Variants in PIAS1 observed in about 807,000 individuals in gnomAD.
The protein encoded by PIAS1 is E3 SUMO-protein ligase PIAS1.
Under a neutral mutation model 71.3 loss-of-function variants are expected in PIAS1, and 6 were observed. That is an observed-to-expected ratio of 0.08 (90% confidence interval 0.05 to 0.17). The LOEUF (loss-of-function observed/expected upper bound fraction) is 0.17. PIAS1 is among the 10% of genes least tolerant of loss of function. PIAS1 has a pLI of 1.00. For synonymous variants in PIAS1, 303 were observed against 292.9 expected (o/e 1.03, Z -0.35); for missense variants, 555 against 793.6 (o/e 0.70, Z 3.61).
At chr15:68,080,492 G>A (rs2092219121) in intron 1 of PIAS1, among the ~76,000 whole-genome samples, 3 of 152,192 alleles carry the variant, frequency 2.0e-5, no homozygotes, top group Admixed American at 1.3e-4. Context: ...TTATGGAGAA[G>A]TATGTAACCA....
intron 2 of PIAS1, among the ~76,000 whole-genome samples, chr15:68,110,769 A>C (rs1432578007): frequency 6.6e-6 from 1 of 152,134 alleles, no homozygotes; most frequent in Non-Finnish European, 1.5e-5. Context: ...ATTCTCAATA[A>C]ATTCTATGTA....
chr15:68,115,831 G>A (rs532371646), intron 2 of PIAS1, among the ~76,000 whole-genome samples: 1 of 152,190 alleles, frequency 6.6e-6, no homozygotes, highest in African/African-American at 2.4e-5. Context: ...TTAATATGGT[G>A]ACTTGATTTT....
Position 68,171,906 on chromosome 15 carries a change from A to G in PIAS1, c.1009-1826A>G, listed in dbSNP as rs771534953. ...AAGCCTTTATATTTTTCTTTCATAT[A>G]TATTTTTTTCTTTTATATGTTTTAT... On this transcript the variant is annotated intron_variant, in intron 8 of 13. Transcript: ENST00000249636. This position sits in a 1 kb window ranked among gnomAD's most constrained non-coding sequence, Gnocchi z 4.4. Among the ~76,000 whole-genome samples, 8 of 151,206 alleles carry G rather than the reference A, an allele frequency of 5.3e-5. No homozygotes were observed. Among genetic ancestry groups the G allele is most frequent in the Non-Finnish European group, 1.0e-4 (7 of 67,852 alleles).
In PIAS1 at chr15:68,054,898, T is replaced by A. The variant is rs1159542638; in HGVS notation, c.24+548T>A. 6.6e-6 allele frequency: 1 copy of A among 152,336 alleles called. No individual in the cohort carries two copies. Among genetic ancestry groups the A allele is most frequent in the Non-Finnish European group, 1.5e-5 (1 of 68,088 alleles). 9.4% of individuals were successfully genotyped at this position (152,336 alleles called of 1,614,324 possible). ...ACTCGGCTTTCCCCGGCTGCTCGCTTGTCAGGAAGCGCCTGGGGTGCCCCG... is the reference window on the plus strand; with the variant it reads ...ACTCGGCTTTCCCCGGCTGCTCGCTAGTCAGGAAGCGCCTGGGGTGCCCCG... On this transcript the variant is annotated intron_variant, in intron 1 of 13. Transcript: ENST00000249636. The surrounding 1 kb of genome is among the most constrained non-coding windows in gnomAD (Gnocchi z 4.6).
At chr15:68,155,483 TC>T (rs2092882875) in intron 7 of PIAS1, among the ~76,000 whole-genome samples, 1 of 124,892 alleles carries the variant, frequency 8.0e-6, no homozygotes, top group Non-Finnish European at 1.8e-5. Flanking sequence ...CCAAAAACTT[TC>T]CCAACAAATT....
chr15:68,149,399 C>G (rs780173346), intron 6 of PIAS1, among the ~76,000 whole-genome samples: 1 of 149,452 alleles, frequency 6.7e-6, no homozygotes, highest in Non-Finnish European at 1.5e-5. Context: ...TTCTTTTCCT[C>G]GCTCCTGTAC....
intron 1 of PIAS1, chr15:68,055,121 G>C (rs1002260200): frequency 3.6e-5 from 26 of 722,942 alleles, no homozygotes; most frequent in South Asian, 6.2e-5. Flanking sequence ...TGTTGGGAGG[G>C]GGGGATGCAG....
intron 13 of PIAS1, chr15:68,183,887 A>T (rs2093071197): frequency 5.2e-6 from 2 of 386,922 alleles, no homozygotes; most frequent in South Asian, 3.7e-5. Context: ...CTATGCTGTC[A>T]GTCATGTAAA....
chr15:68,131,468 A>G lies in PIAS1; in HGVS notation c.470-10478A>G, dbSNP rs186168840. ...CTAGCTATGTTCACTGTGTTGTGCAATAAGATCTTATTAAAAAAAAAACTT... is the reference window on the plus strand; with the variant it reads ...CTAGCTATGTTCACTGTGTTGTGCAGTAAGATCTTATTAAAAAAAAAACTT... On this transcript the variant is annotated intron_variant, in intron 2 of 13. Transcript: ENST00000249636. 4.0e-4 allele frequency among the ~76,000 whole-genome samples: 30 copies of G among 74,436 alleles called. No homozygotes were observed. In the East Asian group the frequency reaches 8.0e-3, roughly 20 times the overall value. The allele number at this position is 74,436 out of a possible 152,430, so 48.8% of individuals were successfully genotyped here. A position where few individuals can be genotyped will look rare whatever the true frequency, so the allele number is the denominator to read the frequency against.
chr15:68,111,643 T>C (rs1364610384), intron 2 of PIAS1, among the ~76,000 whole-genome samples: 1 of 152,168 alleles, frequency 6.6e-6, no homozygotes, highest in Non-Finnish European at 1.5e-5. Context: ...AAGTACAGGT[T>C]GCGTTGAAAT....
chr15:68,175,095 T>C (rs2093013378), intron 9 of PIAS1, among the ~76,000 whole-genome samples: 1 of 152,210 alleles, frequency 6.6e-6, no homozygotes, highest in Admixed American at 6.5e-5. Flanking sequence ...ATTGTGATTG[T>C]ACACTGTTAA....
chr15:68,088,810 A>G (rs1003346060), intron 2 of PIAS1, among the ~76,000 whole-genome samples: 1 of 152,190 alleles, frequency 6.6e-6, no homozygotes, highest in African/African-American at 2.4e-5. Flanking sequence ...TCTGTACTTC[A>G]TTAAATGAAG....
intron 1 of PIAS1, among the ~76,000 whole-genome samples, chr15:68,084,798 T>A (rs1343267200): frequency 6.6e-6 from 1 of 152,180 alleles, no homozygotes; most frequent in Non-Finnish European, 1.5e-5. Context: ...TAGAATCACT[T>A]GTGTAAACAG....
chr15:68,090,215 T>A (rs926902474), intron 2 of PIAS1, among the ~76,000 whole-genome samples: 8 of 151,850 alleles, frequency 5.3e-5, no homozygotes, highest in African/African-American at 1.9e-4. Context: ...ATTATTATTA[T>A]TTTTTGAGAC....
chr15:68,054,913 G>A lies in PIAS1; in HGVS notation c.24+563G>A, dbSNP rs2091879431. 1 of 152,292 alleles carries A rather than the reference G, an allele frequency of 6.6e-6. No individual in the cohort carries two copies. Among genetic ancestry groups the A allele is most frequent in the Non-Finnish European group, 1.5e-5 (1 of 68,086 alleles). The allele number at this position is 152,292 out of a possible 1,614,324, so 9.4% of individuals were successfully genotyped here. ...GCTGCTCGCTTGTCAGGAAGCGCCT[G>A]GGGTGCCCCGCTTGTGGGAAGCGCG... On this transcript the variant is annotated intron_variant, in intron 1 of 13. Transcript: ENST00000249636. This position sits in a 1 kb window ranked among gnomAD's most constrained non-coding sequence, Gnocchi z 4.6.
At chr15:68,139,832 C>T (rs2092758337) in intron 2 of PIAS1, among the ~76,000 whole-genome samples, 1 of 152,004 alleles carries the variant, frequency 6.6e-6, no homozygotes, top group South Asian at 2.1e-4. Flanking sequence ...AATGTATACC[C>T]CCAACATTGG....
intron 2 of PIAS1, among the ~76,000 whole-genome samples, chr15:68,087,105 TTGA>T (rs980280659): frequency 2.0e-5 from 3 of 152,276 alleles, no homozygotes; most frequent in East Asian, 3.9e-4. Context: ...TTTTCAGGGG[TTGA>T]TGATCTCTAA....
chr15:68,164,844 A>G, intron 8 of PIAS1, 40 bp downstream of exon 8: 1 of 1,067,188 alleles, frequency 9.4e-7, no homozygotes, highest in South Asian at 1.5e-5. Context: ...AAAGTTTAAC[A>G]TACATTTTCT....
At chr15:68,175,825 A>T (rs2093017279) in intron 10 of PIAS1, 58 bp downstream of exon 10, 2 of 1,213,480 alleles carry the variant, frequency 1.6e-6, no homozygotes, top group African/African-American at 3.1e-5. Context: ...TCTGGTTTTC[A>T]ATATTAAAAT....
Sources: allele counts gnomAD v4.1 joint callset (sites outside exome capture counted in the v4.1 genomes callset), GRCh38; gene constraint gnomAD v4.1.1; non-coding constraint Gnocchi (gnomAD v3.1); transcripts MANE v1.5; gene names NCBI Gene and HGNC (gene_info 2026-07-23, HGNC 2026-07-21).